The following FAM3B variants were observed in gnomAD, a reference collection of about 807,000 sequenced individuals.
FAM3B encodes FAM3 metabolism regulating signaling molecule B.
A neutral mutation model predicts 28.4 loss-of-function variants in FAM3B; 29 were observed. The observed-to-expected ratio is 1.02, with a 90% CI of 0.76 to 1.39. The LOEUF (loss-of-function observed/expected upper bound fraction) is 1.39, where lower values mean the gene tolerates loss of function less well. Among genes scored for constraint, FAM3B ranks in the 40% most tolerant of loss-of-function variants. The pLI, the probability that FAM3B is intolerant of heterozygous loss-of-function variation, is 0.00. For missense variants in FAM3B, 266 were observed against 293.9 expected, an observed-to-expected ratio of 0.91 and a Z score of 0.69; for synonymous variants, 91 against 103.0, an observed-to-expected ratio of 0.88 and a Z score of 0.71.
intron 2 of FAM3B, among the ~76,000 whole-genome samples, chr21:41,332,194 G>A (rs966599304): frequency 6.6e-6 from 1 of 152,202 alleles, no homozygotes; most frequent in South Asian, 2.1e-4. Context: ...TGACATGCCT[G>A]CTCCCCTTCA....
At position 41,311,254 on chromosome 21, in the gene FAM3B, ATATATATATATATATATATATATATAT is replaced by A. The variant is rs1568908568; in HGVS notation, n.99+6945_99+6971del. ...GTCTCTACAAAAAAAAAAAAAAAAT[ATATATATATATATATATATATATATAT>A]ATATATATATATATATGTATATATA... On this transcript the variant is annotated intron_variant and non_coding_transcript_variant, in intron 1 of 9. Coordinates refer to the FAM3B transcript ENST00000479810. 2.7e-3 allele frequency among the ~76,000 whole-genome samples: 77 copies of A among 28,236 alleles called. 4 individuals carry two copies. The highest frequency in any genetic ancestry group is 3.5e-3 in the Non-Finnish European group (61 of 17,432). 18.5% of individuals were successfully genotyped at this position (28,236 alleles called of 152,430 possible).
At chr21:41,334,212 C>T (rs1431019916) in intron 2 of FAM3B, among the ~76,000 whole-genome samples, 1 of 152,160 alleles carries the variant, frequency 6.6e-6, no homozygotes, top group Non-Finnish European at 1.5e-5. Context: ...AAAAGAAAAG[C>T]CTGTTTTCAC....
intron 1 of FAM3B, among the ~76,000 whole-genome samples, chr21:41,309,067 A>G (rs997382507): frequency 3.3e-5 from 5 of 152,146 alleles, no homozygotes; most frequent in African/African-American, 1.2e-4. Context: ...GCTCTAGCTG[A>G]GTGGCCTTGG....
intron 5 of FAM3B, chr21:41,345,951 CT>C: frequency 2.3e-6 from 1 of 438,270 alleles, no homozygotes; most frequent in East Asian, 5.2e-5. Flanking sequence ...GTCTTTTCTT[CT>C]GTTAGTTTTC....
chr21:41,318,391 G>A (rs1385383009), intron 1 of FAM3B, among the ~76,000 whole-genome samples: 1 of 152,174 alleles, frequency 6.6e-6, no homozygotes, highest in Admixed American at 6.6e-5. Flanking sequence ...CCATGCCTTC[G>A]CCTGCAGGGC....
chr21:41,317,663 T>G (rs1010198332), intron 1 of FAM3B, among the ~76,000 whole-genome samples: 1 of 152,096 alleles, frequency 6.6e-6, no homozygotes, highest in Non-Finnish European at 1.5e-5. Flanking sequence ...AAATGGCAGG[T>G]TCAGAAGTGG....
Position 41,338,464 on chromosome 21 carries a change from A to G in FAM3B, c.250A>G (p.Arg84Gly). 6.2e-7 allele frequency: 1 copy of G among 1,614,220 alleles called. No individual in the cohort carries two copies. Among genetic ancestry groups the G allele is most frequent in the Non-Finnish European group, 8.5e-7 (1 of 1,180,036 alleles). The change falls in exon 3 of 8, where the codon AGA becomes GGA. Residue 84 changes from arginine (R) to glycine (G), a missense_variant. Arg to Gly is a moderately radical substitution (Grantham distance 125). Coordinates refer to ENST00000357985, the MANE Select transcript of FAM3B (RefSeq NM_058186.4). The part of the protein sequence containing the change: ...YAYRLLSGGG[R>G]SKYAKICFED... ...CTACAGGTTACTCAGCGGAGGTGGC[A>G]GAAGCAAGTACGCCAAAATCTGCTT...
At chr21:41,323,161 T>G in intron 2 of FAM3B, 95 bp downstream of exon 2, 1,323 of 1,333,976 alleles carry the variant, frequency 9.9e-4, no homozygotes, top group Non-Finnish European at 1.3e-3. Flanking sequence ...TGGGGGGCCC[T>G]GACGGCTTTA....
chr21:41,347,657 G>A (rs1322457754), intron 6 of FAM3B, among the ~76,000 whole-genome samples: 1 of 151,482 alleles, frequency 6.6e-6, no homozygotes, highest in Admixed American at 6.6e-5. Flanking sequence ...GGAGGCTGAG[G>A]CAGGAGAATC....
intron 7 of FAM3B, among the ~76,000 whole-genome samples, chr21:41,353,053 C>A (rs1052705566): frequency 6.6e-6 from 1 of 151,916 alleles, no homozygotes; most frequent in African/African-American, 2.4e-5. Context: ...ATTCAGAAAG[C>A]AATTGTATTT....
intron 3 of FAM3B, among the ~76,000 whole-genome samples, chr21:41,339,024 G>A (rs1360795115): frequency 1.6e-4 from 25 of 152,284 alleles, no homozygotes; most frequent in South Asian, 6.2e-4. Flanking sequence ...TAGTTTCTTC[G>A]TTTTATTTTA....
At chr21:41,320,608 G>A (rs1033682149) in intron 1 of FAM3B, 1 of 152,258 alleles carries the variant, frequency 6.6e-6, no homozygotes, top group Non-Finnish European at 1.5e-5. Flanking sequence ...CCCATCTTCT[G>A]ATGATGTCCC....
At chr21:41,356,886 A>G (rs2089171998) in intron 7 of FAM3B, among the ~76,000 whole-genome samples, 1 of 152,198 alleles carries the variant, frequency 6.6e-6, no homozygotes, top group African/African-American at 2.4e-5. Flanking sequence ...TTTACACATG[A>G]TATGGACATA....
intron 2 of FAM3B, among the ~76,000 whole-genome samples, chr21:41,332,454 G>A (rs1001542939): frequency 2.0e-5 from 3 of 152,236 alleles, no homozygotes; most frequent in South Asian, 2.1e-4. Flanking sequence ...TGGCATCTAC[G>A]TTCATCCGGG....
chr21:41,349,843 C>T (rs1474472380), intron 7 of FAM3B, among the ~76,000 whole-genome samples: 1 of 152,228 alleles, frequency 6.6e-6, no homozygotes, highest in East Asian at 1.9e-4. Context: ...CACAAGCATG[C>T]TTTCCCCTTG....
intron 5 of FAM3B, 46 bp downstream of exon 5, chr21:41,345,782 A>G: frequency 8.4e-7 from 1 of 1,193,266 alleles, no homozygotes; most frequent in Non-Finnish European, 1.2e-6. Flanking sequence ...TTTAAACAGA[A>G]AATTAAGATT....
chr21:41,350,532 G>T (rs1340294678), intron 7 of FAM3B, among the ~76,000 whole-genome samples: 2 of 152,174 alleles, frequency 1.3e-5, no homozygotes, highest in African/African-American at 4.8e-5. Context: ...AGCTCCCCGG[G>T]TCCTGCCCCA....
At chr21:41,320,135 A>T (rs1466467853) in intron 1 of FAM3B, 1 of 152,078 alleles carries the variant, frequency 6.6e-6, no homozygotes, top group Non-Finnish European at 1.5e-5. Context: ...TTAAGAGATG[A>T]TGTCTCGCTG....
chr21:41,334,573 G>T lies in FAM3B; in HGVS notation c.164-3805G>T, dbSNP rs150697111. Among the ~76,000 whole-genome samples the T allele has an allele frequency of 3.0e-4, 46 of 152,340 alleles. No homozygotes were observed. The East Asian group carries it at 8.9e-3, about 29-fold the overall frequency. On this transcript the variant is annotated intron_variant, in intron 2 of 7. Transcript: ENST00000357985. ...AAGCCTGCAGGTGCACAGAATGCAAGAGTTAATGCTTGGGAGGCTCCACCT... is the reference window on the plus strand; with the variant it reads ...AAGCCTGCAGGTGCACAGAATGCAATAGTTAATGCTTGGGAGGCTCCACCT...
Sources: allele counts gnomAD v4.1 joint callset (sites outside exome capture counted in the v4.1 genomes callset), GRCh38; gene constraint gnomAD v4.1.1; transcripts MANE v1.5; gene names NCBI Gene and HGNC (gene_info 2026-07-23, HGNC 2026-07-21).